The following MCUB variants were observed in gnomAD, a reference collection of about 807,000 sequenced individuals.
MCUB encodes calcium uniporter regulatory subunit MCUb, mitochondrial.
In MCUB, 46 loss-of-function variants were observed where a neutral mutation model predicts 41.4. The observed-to-expected ratio is 1.11, with a 90% CI of 0.88 to 1.42. MCUB has a LOEUF of 1.42. MCUB is among the 40% of genes most tolerant of loss of function. The probability of loss-of-function intolerance (pLI) is 0.00; values close to 1 mark genes in which losing one functional copy is unlikely to be tolerated. For missense variants in MCUB, 403 were observed against 404.9 expected (o/e 1.00, Z 0.04); for synonymous variants, 148 against 148.2 (o/e 1.00, Z 0.01).
chr4:109,594,958 C>A (rs1368303073), intron 1 of MCUB, among the ~76,000 whole-genome samples: 1 of 151,874 alleles, frequency 6.6e-6, no homozygotes, highest in Admixed American at 6.6e-5. Context: ...GTCCTGCACA[C>A]CAGTTCCAAG....
At chr4:109,615,380 A>T (rs1198174581) in intron 1 of MCUB, among the ~76,000 whole-genome samples, 2 of 152,020 alleles carry the variant, frequency 1.3e-5, no homozygotes, top group Non-Finnish European at 2.9e-5. Flanking sequence ...TAAAATCCTC[A>T]ACAGTATTAT....
At chr4:109,586,490 C>A (rs1296454412) in intron 1 of MCUB, among the ~76,000 whole-genome samples, 2 of 152,162 alleles carry the variant, frequency 1.3e-5, no homozygotes, top group Non-Finnish European at 2.9e-5. Flanking sequence ...CAGCTTTGTT[C>A]TGTTGCTGGT....
intron 4 of MCUB, among the ~76,000 whole-genome samples, chr4:109,675,707 A>C (rs1729560473): frequency 6.6e-6 from 1 of 152,238 alleles, no homozygotes; most frequent in African/African-American, 2.4e-5. Context: ...TGTTTGGCTC[A>C]TGGGGGCACT....
At chr4:109,662,655 T>TGAAA (rs1448691378) in intron 3 of MCUB, among the ~76,000 whole-genome samples, 1 of 152,214 alleles carries the variant, frequency 6.6e-6, no homozygotes, top group Non-Finnish European at 1.5e-5. Context: ...GTCAGTCTTT[T>TGAAA]GCTATTCATA....
chr4:109,632,787 G>A (rs1266326474), intron 1 of MCUB, among the ~76,000 whole-genome samples: 1 of 151,880 alleles, frequency 6.6e-6, no homozygotes, highest in Non-Finnish European at 1.5e-5. Context: ...GCTTATTTTT[G>A]TATTTTTAGT....
chr4:109,595,006 T>C (rs987369485), intron 1 of MCUB, among the ~76,000 whole-genome samples: 6 of 151,806 alleles, frequency 4.0e-5, no homozygotes, highest in Non-Finnish European at 7.4e-5. Flanking sequence ...TTTTTCAGGT[T>C]TCATTTCTGA....
intron 1 of MCUB, among the ~76,000 whole-genome samples, chr4:109,620,042 C>T (rs549376794): frequency 6.6e-6 from 1 of 152,266 alleles, no homozygotes; most frequent in South Asian, 2.1e-4. Context: ...TTCCCTGTCT[C>T]ATCAGATAGA....
At chr4:109,572,338 T>C (rs1348737604) in intron 1 of MCUB, among the ~76,000 whole-genome samples, 1 of 152,220 alleles carries the variant, frequency 6.6e-6, no homozygotes, top group Non-Finnish European at 1.5e-5. Context: ...TAAATATAGC[T>C]GAGAAAAGAT....
At chr4:109,618,798 T>C (rs1272481656) in intron 1 of MCUB, among the ~76,000 whole-genome samples, 1 of 152,202 alleles carries the variant, frequency 6.6e-6, no homozygotes, top group African/African-American at 2.4e-5. Flanking sequence ...TAGAATGGTC[T>C]TTTTCTATAG....
chr4:109,678,974 G>GAT (rs1729650898), intron 4 of MCUB, among the ~76,000 whole-genome samples: 1 of 150,816 alleles, frequency 6.6e-6, no homozygotes, highest in African/African-American at 2.4e-5. Context: ...CTTCCCATTC[G>GAT]GGGCAGCCAG....
chr4:109,645,489 A>G (rs1424279903), intron 1 of MCUB, among the ~76,000 whole-genome samples: 1 of 148,292 alleles, frequency 6.7e-6, no homozygotes, highest in Admixed American at 6.9e-5. Flanking sequence ...AAAGACCTCT[A>G]TTGCAAAGAG....
chr4:109,618,244 C>T (rs1469174984), intron 1 of MCUB, among the ~76,000 whole-genome samples: 1 of 152,182 alleles, frequency 6.6e-6, no homozygotes, highest in Admixed American at 6.5e-5. Flanking sequence ...CCCTTCTGCT[C>T]CCATATCAGG....
chr4:109,573,410 G>C (rs997463689), intron 1 of MCUB, among the ~76,000 whole-genome samples: 15 of 149,304 alleles, frequency 1.0e-4, no homozygotes, highest in African/African-American at 3.7e-4. Flanking sequence ...CGGAGATCGC[G>C]CCACCACACT....
At chr4:109,582,295 C>A (rs369504998) in intron 1 of MCUB, among the ~76,000 whole-genome samples, 1 of 145,556 alleles carries the variant, frequency 6.9e-6, no homozygotes. Flanking sequence ...CCAAACACCG[C>A]ATGTTCTCAC....
At chr4:109,649,948 G>A (rs1728923359) in intron 1 of MCUB, among the ~76,000 whole-genome samples, 1 of 152,062 alleles carries the variant, frequency 6.6e-6, no homozygotes, top group African/African-American at 2.4e-5. Flanking sequence ...GCCTGATTTG[G>A]GGAATCTGAA....
At chr4:109,642,331 C>T (rs1728738283) in intron 1 of MCUB, among the ~76,000 whole-genome samples, 1 of 152,034 alleles carries the variant, frequency 6.6e-6, no homozygotes. Flanking sequence ...GGAGTTCTTG[C>T]CCATGGATAT....
At chr4:109,652,618 C>G (rs183865244) in intron 1 of MCUB, among the ~76,000 whole-genome samples, 1 of 152,108 alleles carries the variant, frequency 6.6e-6, no homozygotes, top group Admixed American at 6.6e-5. Flanking sequence ...AACCCGCAGC[C>G]TCAGGCCCTT....
chr4:109,632,765 C>T (rs1249561957), intron 1 of MCUB, among the ~76,000 whole-genome samples: 1 of 152,078 alleles, frequency 6.6e-6, no homozygotes, highest in Non-Finnish European at 1.5e-5. Flanking sequence ...TAGATGCACA[C>T]CACCATGCCT....
At chr4:109,663,099 C>G (rs1357155073) in intron 3 of MCUB, among the ~76,000 whole-genome samples, 3 of 152,168 alleles carry the variant, frequency 2.0e-5, no homozygotes, top group Non-Finnish European at 4.4e-5. Context: ...CGGGATGTTA[C>G]TAGTGTTAGT....
Sources: allele counts gnomAD v4.1 joint callset (sites outside exome capture counted in the v4.1 genomes callset), GRCh38; gene constraint gnomAD v4.1.1; transcripts MANE v1.5; gene names NCBI Gene and HGNC (gene_info 2026-07-23, HGNC 2026-07-21).